Variants in GABRA3 observed in about 807,000 individuals in gnomAD.
GABRA3 encodes the protein gamma-aminobutyric acid type A receptor subunit alpha3.
GABRA3 carries 10 observed loss-of-function variants against 30.1 expected under a neutral mutation model. The observed-to-expected ratio is 0.33, with a 90% confidence interval of 0.20 to 0.56. GABRA3 has a LOEUF of 0.56. Ranked by LOEUF, GABRA3 falls within the 20% of genes least tolerant of loss-of-function variation. The pLI is 0.89. For synonymous variants in GABRA3, 151 were observed against 146.8 expected (o/e 1.03, Z -0.21); for missense variants, 233 against 392.0 (o/e 0.59, Z 3.42).
rs145216415 is a variant in GABRA3 at position 152,206,866 on chromosome X, C to T, written c.778+1135G>A. ...CCAGCCGGAGGCCTGCCATACATGA[C>T]GCCAGGACCCCACAGAACAGCCCAC... On this transcript the variant is annotated intron_variant, in intron 7 of 9. Transcript: ENST00000370314. 7.1e-4 allele frequency among the ~76,000 whole-genome samples: 79 copies of T among 111,369 alleles called. 1 individual carries two copies. The East Asian group carries it at 0.02, about 28-fold the overall frequency.
At chrX:152,416,518 A>T (rs1930223197) in intron 1 of GABRA3, among the ~76,000 whole-genome samples, 1 of 110,682 alleles carries the variant, frequency 9.0e-6, no homozygotes, top group Non-Finnish European at 1.9e-5. Flanking sequence ...ATTGGAAAAA[A>T]CTACTTTAAA....
intron 5 of GABRA3, among the ~76,000 whole-genome samples, chrX:152,238,475 C>T (rs1351732441): frequency 1.9e-5 from 2 of 106,772 alleles, no homozygotes; most frequent in East Asian, 6.0e-4. Context: ...GTGTCTCTGC[C>T]CGGCTTTGGT....
intron 7 of GABRA3, among the ~76,000 whole-genome samples, chrX:152,202,575 A>G (rs1431846965): frequency 8.9e-6 from 1 of 111,850 alleles, no homozygotes; most frequent in Non-Finnish European, 1.9e-5. Flanking sequence ...CATATAAAGA[A>G]TAGAGAGACA....
chrX:152,207,430 C>T (rs1192975178), intron 7 of GABRA3, among the ~76,000 whole-genome samples: 1 of 111,701 alleles, frequency 9.0e-6, no homozygotes, highest in East Asian at 2.8e-4. Context: ...GGCCACAGAA[C>T]AAAACTCTAG....
In GABRA3 at chrX:152,284,824, C is replaced by A. The variant is rs925316322; in HGVS notation, c.263-89G>T. On this transcript the variant is annotated intron_variant, in intron 3 of 9. Transcript: ENST00000370314. ...TCCAGTGCAGTACTCTGAATGACAG[C>A]CAACTTACTACTTCTGAGAAAGGAA... 1.8e-5 allele frequency: 10 copies of A among 570,956 alleles called. No homozygotes were observed. In the African/African-American group the frequency reaches 2.1e-4, roughly 12 times the overall value. The allele number at this position is 570,956 out of a possible 1,213,427, so 47.1% of individuals were successfully genotyped here.
chrX:152,385,876 C>T (rs1410654547), intron 1 of GABRA3, among the ~76,000 whole-genome samples: 8 of 111,258 alleles, frequency 7.2e-5, no homozygotes, highest in Non-Finnish European at 1.3e-4. Context: ...TTGTTTTTCT[C>T]ACGTTTGTCA....
chrX:152,371,789 T>C (rs1393859258), intron 1 of GABRA3, among the ~76,000 whole-genome samples: 1 of 111,416 alleles, frequency 9.0e-6, no homozygotes, highest in Non-Finnish European at 1.9e-5. Flanking sequence ...TCAAAATTTA[T>C]GGAGTATCAT....
chrX:152,240,364 G>A (rs1267085324), intron 5 of GABRA3, among the ~76,000 whole-genome samples: 9 of 93,153 alleles, frequency 9.7e-5, no homozygotes, highest in Admixed American at 2.4e-4. Flanking sequence ...TGAGAGATCC[G>A]CTGTTAGTCT....
intron 3 of GABRA3, among the ~76,000 whole-genome samples, chrX:152,309,604 C>A (rs765868205): frequency 9.0e-6 from 1 of 111,667 alleles, no homozygotes; most frequent in South Asian, 3.8e-4. Flanking sequence ...TAAGGGAATT[C>A]ATTCCCACCA....
intron 3 of GABRA3, among the ~76,000 whole-genome samples, chrX:152,295,489 G>A (rs1939511413): frequency 8.8e-6 from 1 of 113,129 alleles, no homozygotes; most frequent in Non-Finnish European, 1.9e-5. Flanking sequence ...CCGTGGGCAT[G>A]GGATCTGCTG....
chrX:152,242,714 G>A (rs1470391847), intron 5 of GABRA3, among the ~76,000 whole-genome samples: 2 of 111,888 alleles, frequency 1.8e-5, no homozygotes, highest in Non-Finnish European at 3.8e-5. Flanking sequence ...CTGTTAGGAT[G>A]GCTACTATCA....
chrX:152,332,289 A>G (rs966162239), intron 3 of GABRA3, among the ~76,000 whole-genome samples: 2 of 112,123 alleles, frequency 1.8e-5, no homozygotes, highest in Non-Finnish European at 3.8e-5. Context: ...TGCATAGAAG[A>G]CAGAATGCCT....
Position 152,182,330 on chromosome X carries a change from C to T in GABRA3, c.1143+7400G>A, listed in dbSNP as rs775082192. On this transcript the variant is annotated intron_variant, in intron 9 of 9. Transcript: ENST00000370314. ...ATATATATACACACACACACACACACACACACAGTGTATGTATATATATAC... is the reference window on the plus strand; with the variant it reads ...ATATATATACACACACACACACACATACACACAGTGTATGTATATATATAC... Among the ~76,000 whole-genome samples, 8 of 100,349 alleles carry T rather than the reference C, an allele frequency of 8.0e-5. No individual in the cohort carries two copies. The East Asian group carries it at 2.5e-3, about 32-fold the overall frequency. 87.1% of individuals were successfully genotyped at this position (100,349 alleles called of 115,157 possible). A position where few individuals can be genotyped will look rare whatever the true frequency, so the allele number is the denominator to read the frequency against.
chrX:152,338,546 T>A (rs1418957354), intron 3 of GABRA3, among the ~76,000 whole-genome samples: 1 of 111,875 alleles, frequency 8.9e-6, no homozygotes, highest in African/African-American at 3.2e-5. Context: ...TAGAATCCCA[T>A]TTGTTTATTT....
intron 9 of GABRA3, among the ~76,000 whole-genome samples, chrX:152,188,982 T>A (rs1047701083): frequency 1.8e-5 from 2 of 111,918 alleles, no homozygotes; most frequent in Admixed American, 9.5e-5. Flanking sequence ...ATGATTTTAA[T>A]CTCTCTTCTT....
intron 1 of GABRA3, among the ~76,000 whole-genome samples, chrX:152,415,457 A>G (rs955923725): frequency 9.0e-6 from 1 of 111,382 alleles, no homozygotes; most frequent in Non-Finnish European, 1.9e-5. Context: ...ATGGAAAGAG[A>G]CAGGGACGGA....
intron 3 of GABRA3, among the ~76,000 whole-genome samples, chrX:152,308,371 T>G (rs1276829523): frequency 8.9e-6 from 1 of 112,281 alleles, no homozygotes; most frequent in Non-Finnish European, 1.9e-5. Context: ...CTGCCCTGAT[T>G]AAGCACTTTT....
At chrX:152,238,814 G>T (rs1390781403) in intron 5 of GABRA3, among the ~76,000 whole-genome samples, 1 of 108,583 alleles carries the variant, frequency 9.2e-6, no homozygotes, top group East Asian at 2.9e-4. Flanking sequence ...ATGGTAGTTT[G>T]TATTTCTGTG....
intron 1 of GABRA3, among the ~76,000 whole-genome samples, chrX:152,418,830 G>A (rs957418338): frequency 9.0e-6 from 1 of 111,294 alleles, no homozygotes; most frequent in Admixed American, 9.6e-5. Flanking sequence ...TGCTATAAAG[G>A]TGCATGCACA....
Sources: allele counts gnomAD v4.1 joint callset (sites outside exome capture counted in the v4.1 genomes callset), GRCh38; gene constraint gnomAD v4.1.1; transcripts MANE v1.5; gene names NCBI Gene and HGNC (gene_info 2026-07-23, HGNC 2026-07-21).